RHOJ: variants seen among roughly 807,000 people sequenced by gnomAD.
The protein encoded by RHOJ is ras homolog family member J.
In RHOJ, 11 loss-of-function variants were observed where a neutral mutation model predicts 23.4. The observed-to-expected ratio is 0.47, with a 90% CI of 0.30 to 0.78. The LOEUF (loss-of-function observed/expected upper bound fraction) is 0.78, where lower values mean the gene tolerates loss of function less well. Among genes scored for constraint, RHOJ ranks in the 30% least tolerant of loss-of-function variants. RHOJ has a pLI of 0.08. For synonymous variants in RHOJ, 102 were observed against 102.7 expected, an observed-to-expected ratio of 0.99 and a Z score of 0.04; for missense variants, 254 against 273.4, an observed-to-expected ratio of 0.93 and a Z score of 0.50.
intron 1 of RHOJ, among the ~76,000 whole-genome samples, chr14:63,254,855 C>T (rs1188510909): frequency 6.6e-6 from 1 of 152,064 alleles, no homozygotes; most frequent in African/African-American, 2.4e-5. Flanking sequence ...CAGAGAACTT[C>T]AAAAGGACTC....
At chr14:63,270,924 A>C (rs1360695964) in intron 2 of RHOJ, among the ~76,000 whole-genome samples, 1 of 152,184 alleles carries the variant, frequency 6.6e-6, no homozygotes, top group Non-Finnish European at 1.5e-5. Flanking sequence ...AAAAACCTCC[A>C]CAGGCTTCTG....
At position 63,281,054 on chromosome 14, in the gene RHOJ, T is replaced by C; in HGVS notation, c.321T>C (p.Ser107=). 1 of 1,614,132 alleles carries C rather than the reference T, an allele frequency of 6.2e-7. No individual in the cohort carries two copies. ...GCTTCTCTGTCGTAAACCCTGCCTC[T>C]TACCACAATGTCCAGGAGGAATGGG... ...LICFSVVNPA[S]YHNVQEEWVP... is the part of the protein sequence containing the mutation. Residue 107 remains serine (S), a synonymous_variant, in exon 3 of 5, where the codon TCT becomes TCC. Coordinates refer to ENST00000316754, the MANE Select transcript of RHOJ (RefSeq NM_020663.5).
intron 1 of RHOJ, among the ~76,000 whole-genome samples, chr14:63,237,039 A>C (rs1429167195): frequency 1.3e-5 from 2 of 152,194 alleles, no homozygotes; most frequent in Non-Finnish European, 2.9e-5. Context: ...GTACAGATGC[A>C]ATTGTCCCTT....
intron 4 of RHOJ, chr14:63,284,189 T>G: frequency 1.0e-6 from 1 of 977,144 alleles, no homozygotes; most frequent in Non-Finnish European, 1.2e-6. Flanking sequence ...GCATTTATCT[T>G]ATTAAATCTT....
chr14:63,256,450 G>A (rs1895166667), intron 1 of RHOJ, among the ~76,000 whole-genome samples: 1 of 152,114 alleles, frequency 6.6e-6, no homozygotes, highest in Non-Finnish European at 1.5e-5. Context: ...GGAGGGGAGG[G>A]AGAGGCGTAA....
chr14:63,232,040 C>G (rs1894705330), intron 1 of RHOJ, among the ~76,000 whole-genome samples: 1 of 152,158 alleles, frequency 6.6e-6, no homozygotes, highest in African/African-American at 2.4e-5. Context: ...ACAGTCATGA[C>G]AGTTGAGTGC....
chr14:63,257,283 A>G (rs1387368644), intron 1 of RHOJ, among the ~76,000 whole-genome samples: 1 of 145,726 alleles, frequency 6.9e-6, no homozygotes. Context: ...GCTCACCCCG[A>G]CCCAGTCCCC....
intron 1 of RHOJ, among the ~76,000 whole-genome samples, chr14:63,242,808 C>T (rs1228065331): frequency 1.3e-5 from 2 of 152,184 alleles, no homozygotes; most frequent in African/African-American, 4.8e-5. Flanking sequence ...CAGACCTATA[C>T]AACCAGTTAT....
intron 1 of RHOJ, among the ~76,000 whole-genome samples, chr14:63,230,831 G>T (rs1894678953): frequency 6.8e-6 from 1 of 147,386 alleles, no homozygotes; most frequent in African/African-American, 2.6e-5. Context: ...AAGTTTACAA[G>T]GGTACAAGGC....
intron 1 of RHOJ, among the ~76,000 whole-genome samples, chr14:63,225,388 T>G (rs1894574570): frequency 6.6e-6 from 1 of 152,160 alleles, no homozygotes; most frequent in South Asian, 2.1e-4. Flanking sequence ...ACAAAGCCAT[T>G]TATAAGCAAT....
chr14:63,289,103 G>A (rs979812881), intron 4 of RHOJ, among the ~76,000 whole-genome samples: 6 of 152,186 alleles, frequency 3.9e-5, no homozygotes, highest in Admixed American at 3.9e-4. Context: ...TAAACCACAA[G>A]TTCACTTAGT....
intron 1 of RHOJ, among the ~76,000 whole-genome samples, chr14:63,250,080 T>C (rs1052576981): frequency 6.6e-6 from 1 of 152,068 alleles, no homozygotes; most frequent in Non-Finnish European, 1.5e-5. Flanking sequence ...GCTAGACACA[T>C]CTCCCACATC....
chr14:63,288,870 T>G (rs1214184075), intron 4 of RHOJ, among the ~76,000 whole-genome samples: 2 of 152,228 alleles, frequency 1.3e-5, no homozygotes, highest in African/African-American at 4.8e-5. Context: ...AGTTTTCATA[T>G]TTGTGGCCTT....
At chr14:63,217,506 G>T (rs1894391239) in intron 1 of RHOJ, among the ~76,000 whole-genome samples, 1 of 151,752 alleles carries the variant, frequency 6.6e-6, no homozygotes, top group African/African-American at 2.4e-5. Context: ...GCTGAAACTG[G>T]ATCTCTTCCT....
At chr14:63,226,850 G>A (rs568096821) in intron 1 of RHOJ, among the ~76,000 whole-genome samples, 4 of 152,254 alleles carry the variant, frequency 2.6e-5, no homozygotes, top group South Asian at 2.1e-4. Context: ...ATCAGGTCAC[G>A]TAATGAGATG....
In RHOJ at chr14:63,204,901, G is replaced by A. The variant is rs755625384; in HGVS notation, c.32G>A (p.Cys11Tyr). The A allele has an allele frequency of 5.0e-6, 8 of 1,614,078 alleles. No individual in the cohort carries two copies. The highest frequency in any genetic ancestry group is 3.4e-6 in the Non-Finnish European group (4 of 1,179,980). ...TGCAAAGAGGGAACTGACAGCAGCT[G>A]CGGCTGCAGGGGCAACGACGAGAAG... is the stretch of plus-strand genomic sequence containing the variant. MNCKEGTDSS[C>Y]GCRGNDEKKM... The change falls in exon 1 of 5, where the codon TGC becomes TAC. Residue 11 changes from cysteine (C) to tyrosine (Y), a missense_variant. Physicochemically the swap from Cys to Tyr is radical, Grantham distance 194. Coordinates refer to ENST00000316754, the MANE Select transcript of RHOJ (RefSeq NM_020663.5).
chr14:63,259,760 T>C (rs28696286), intron 1 of RHOJ, among the ~76,000 whole-genome samples: 21,017 of 152,066 alleles, frequency 0.14, 2,166 homozygotes, highest in African/African-American at 0.29. Flanking sequence ...TGACATATAT[T>C]AAGAAATAAA....
In RHOJ at chr14:63,206,739, C is replaced by A. The variant is rs576889789; in HGVS notation, c.178+1692C>A. Among the ~76,000 whole-genome samples the A allele has an allele frequency of 1.9e-3, 293 of 152,280 alleles. 1 individual carries two copies. The highest frequency in any genetic ancestry group is 6.8e-3 in the African/African-American group (283 of 41,564). On this transcript the variant is annotated intron_variant, in intron 1 of 4. Transcript: ENST00000316754. Reference sequence around the variant, plus strand: ...TGAACCACAACTAGATTCCACTAGGCTCCAATAATTTTATGTTTTAATAAT... The same window carrying A: ...TGAACCACAACTAGATTCCACTAGGATCCAATAATTTTATGTTTTAATAAT...
chr14:63,278,198 C>T (rs1881794745), intron 2 of RHOJ, among the ~76,000 whole-genome samples: 1 of 152,096 alleles, frequency 6.6e-6, no homozygotes, highest in Non-Finnish European at 1.5e-5. Flanking sequence ...TGCCCTCTTG[C>T]TTTGCATTTT....
Sources: allele counts gnomAD v4.1 joint callset (sites outside exome capture counted in the v4.1 genomes callset), GRCh38; gene constraint gnomAD v4.1.1; transcripts MANE v1.5; gene names NCBI Gene and HGNC (gene_info 2026-07-23, HGNC 2026-07-21).